OPN5: variants seen among roughly 807,000 people sequenced by gnomAD.
The protein encoded by OPN5 is opsin-5.
A neutral mutation model predicts 41.7 loss-of-function variants in OPN5; 18 were observed. The observed-to-expected ratio is 0.43, with a 90% CI of 0.30 to 0.64. OPN5 has a LOEUF of 0.64. OPN5 is among the 30% of genes least tolerant of loss of function. OPN5 has a pLI of 0.13. For missense variants in OPN5, 318 were observed against 434.5 expected, an observed-to-expected ratio of 0.73 and a Z score of 2.38; for synonymous variants, 178 against 164.3, an observed-to-expected ratio of 1.08 and a Z score of -0.64.
chr6:47,792,075 C>A, intron 3 of OPN5, 103 bp downstream of exon 3: 1 of 745,940 alleles, frequency 1.3e-6, no homozygotes, highest in African/African-American at 1.8e-5. Flanking sequence ...TTATGAATAA[C>A]CTCAGAGATC....
chr6:47,807,763 G>T (rs1009401213), intron 4 of OPN5, among the ~76,000 whole-genome samples: 1 of 151,960 alleles, frequency 6.6e-6, no homozygotes, highest in African/African-American at 2.4e-5. Context: ...GAATATGGAT[G>T]ATTTAAAATT....
intron 1 of OPN5, 41 bp from the exon 2 acceptor site, chr6:47,786,474 A>C (rs1411275599): frequency 1.3e-6 from 2 of 1,578,890 alleles, no homozygotes; most frequent in Non-Finnish European, 1.7e-6. Context: ...TGAACTCGAA[A>C]TCTTAGTTTT....
chr6:47,798,105 A>G (rs1465493121), intron 4 of OPN5, among the ~76,000 whole-genome samples: 7 of 152,100 alleles, frequency 4.6e-5, no homozygotes, highest in Admixed American at 1.3e-4. Flanking sequence ...TTTGTTATGT[A>G]TATTCTTTTA....
At chr6:47,786,702 T>TA in intron 2 of OPN5, 68 bp downstream of exon 2, 1 of 1,376,126 alleles carries the variant, frequency 7.3e-7, no homozygotes, top group Non-Finnish European at 1.0e-6. Context: ...ACTCACTGTC[T>TA]CAAACGTCAC....
At chr6:47,818,771 TG>T (rs1417946689) in intron 6 of OPN5, among the ~76,000 whole-genome samples, 2 of 152,162 alleles carry the variant, frequency 1.3e-5, no homozygotes, top group Non-Finnish European at 2.9e-5. Context: ...TCAGGTCAGC[TG>T]GGAGCTGGGA....
chr6:47,784,044 G>T (rs1044903276), intron 1 of OPN5, among the ~76,000 whole-genome samples: 1 of 152,136 alleles, frequency 6.6e-6, no homozygotes, highest in South Asian at 2.1e-4. Context: ...TGGAAGGAAA[G>T]TCCACAATCA....
chr6:47,808,118 A>T (rs887416001), intron 4 of OPN5, 36 bp from the exon 5 acceptor site: 1 of 1,611,698 alleles, frequency 6.2e-7, no homozygotes, highest in African/African-American at 1.3e-5. Context: ...TTTATCAGTC[A>T]TCTTGATTCT....
chr6:47,783,036 T>C (rs1773121863), intron 1 of OPN5, among the ~76,000 whole-genome samples: 1 of 152,004 alleles, frequency 6.6e-6, no homozygotes, highest in Admixed American at 6.5e-5. Context: ...ATTAATTTAC[T>C]GTAAATTTTA....
At chr6:47,795,774 TCTCTCA>T (rs1266570054) in intron 4 of OPN5, among the ~76,000 whole-genome samples, 2,315 of 109,656 alleles carry the variant, frequency 0.021, 61 homozygotes, top group African/African-American at 0.068. Flanking sequence ...TCTCTCTCTC[TCTCTCA>T]CACACACACA....
chr6:47,807,308 C>T (rs920527431), intron 4 of OPN5, among the ~76,000 whole-genome samples: 3 of 152,116 alleles, frequency 2.0e-5, no homozygotes, highest in Admixed American at 6.5e-5. Context: ...CCCCACAGCC[C>T]TAGGCATAGG....
intron 6 of OPN5, among the ~76,000 whole-genome samples, chr6:47,818,045 C>T (rs923728581): frequency 6.6e-6 from 1 of 152,074 alleles, no homozygotes; most frequent in African/African-American, 2.4e-5. Context: ...CTACTTAGAG[C>T]TAATTTGTTC....
At chr6:47,795,522 C>T (rs1773523930) in exon 4 of OPN5, 3 of 1,613,786 alleles carry the variant, frequency 1.9e-6, no homozygotes, top group South Asian at 1.1e-5. Flanking sequence ...TTTCGACAGT[C>T]GGATCCATAG....
At chr6:47,813,716 C>T (rs1372957253) in intron 6 of OPN5, among the ~76,000 whole-genome samples, 2 of 151,898 alleles carry the variant, frequency 1.3e-5, no homozygotes, top group African/African-American at 4.8e-5. Context: ...AAAATTACAA[C>T]TTATGAGGAC....
At chr6:47,787,921 G>GT (rs1351545233) in intron 2 of OPN5, among the ~76,000 whole-genome samples, 1 of 152,084 alleles carries the variant, frequency 6.6e-6, no homozygotes, top group Non-Finnish European at 1.5e-5. Context: ...TCCGATATTT[G>GT]TTTCTCTCTT....
At chr6:47,811,143 T>C (rs1774183107) in intron 5 of OPN5, among the ~76,000 whole-genome samples, 1 of 152,186 alleles carries the variant, frequency 6.6e-6, no homozygotes, top group African/African-American at 2.4e-5. Flanking sequence ...ATGCTAGGCC[T>C]ATCTCAAATG....
In OPN5 at chr6:47,791,794, T is replaced by C; in HGVS notation, c.251-8T>C. 1.2e-6 allele frequency: 2 copies of C among 1,613,642 alleles called. No individual in the cohort carries two copies. The highest frequency in any genetic ancestry group is 1.7e-6 in the Non-Finnish European group (2 of 1,179,660). On this transcript the variant is annotated splice_polypyrimidine_tract_variant and splice_region_variant and intron_variant, in intron 2 of 6. Transcript: ENST00000371211. ...GAACGTCTGTTGACAAGTCACTTGG[T>C]GCTCTAGTTGTAGGCAAGCCGTTCA...
intron 6 of OPN5, among the ~76,000 whole-genome samples, chr6:47,812,160 C>G (rs948307784): frequency 6.6e-6 from 1 of 152,050 alleles, no homozygotes; most frequent in African/African-American, 2.4e-5. Context: ...GGCCATGGCT[C>G]TTTGGTAGGT....
intron 5 of OPN5, 77 bp from the exon 6 acceptor site, chr6:47,811,597 T>C: frequency 5.0e-6 from 4 of 798,882 alleles, no homozygotes; most frequent in Non-Finnish European, 4.3e-6. Context: ...CATATACATA[T>C]GTATGTATAT....
At chr6:47,798,795 A>G (rs1379717349) in intron 4 of OPN5, among the ~76,000 whole-genome samples, 1 of 152,146 alleles carries the variant, frequency 6.6e-6, no homozygotes. Context: ...TGATTTTTCT[A>G]CTGAGTAAAA....
Sources: gnomAD v4.1 joint callset for allele counts (sites outside exome capture counted in the v4.1 genomes callset) on GRCh38, gnomAD v4.1.1 for gene constraint, MANE v1.5 for transcripts, NCBI Gene and HGNC (gene_info 2026-07-23, HGNC 2026-07-21) for gene names.